The following DRC9 variants were observed in gnomAD, a reference collection of about 807,000 sequenced individuals.
DRC9 encodes dynein regulatory complex protein 9.
the DRC9 span, chr3:197,891,635 CA>C: frequency 1.4e-5 from 8 of 592,316 alleles, no homozygotes; most frequent in African/African-American, 1.5e-4. Context: ...TATAAAATTT[CA>C]AAATAAAACA....
the DRC9 span, among the ~76,000 whole-genome samples, chr3:197,919,192 A>T: frequency 6.6e-6 from 1 of 152,218 alleles, no homozygotes; most frequent in Non-Finnish European, 1.5e-5. Flanking sequence ...TGGGCCTCTG[A>T]GTACCCTGAG....
chr3:197,890,400 G>A, the DRC9 span, among the ~76,000 whole-genome samples: 4 of 144,632 alleles, frequency 2.8e-5, no homozygotes, highest in African/African-American at 1.1e-4. Flanking sequence ...GTGAGATGCT[G>A]TCTCAAAAAA....
the DRC9 span, chr3:197,950,219 G>T: frequency 6.3e-5 from 78 of 1,231,272 alleles, no homozygotes; most frequent in Non-Finnish European, 7.8e-5. Flanking sequence ...GGCTCCTGTG[G>T]AGGTGAGTGA....
At chr3:197,942,018 T>C in the DRC9 span, among the ~76,000 whole-genome samples, 1 of 152,270 alleles carries the variant, frequency 6.6e-6, no homozygotes, top group Non-Finnish European at 1.5e-5. Flanking sequence ...ACTTACATTA[T>C]ACAATTCCTG....
the DRC9 span, chr3:197,913,349 TGTGCGTGC>T: frequency 0.047 from 8,827 of 187,850 alleles, 365 homozygotes; most frequent in East Asian, 0.17. Context: ...TGCGTGCGTG[TGTGCGTGC>T]GTGCGTGTGT....
chr3:197,947,928 CTTTTT>C, the DRC9 span, among the ~76,000 whole-genome samples: 2 of 96,770 alleles, frequency 2.1e-5, no homozygotes, highest in African/African-American at 8.5e-5. Context: ...CCTGCTTTAC[CTTTTT>C]TTTTTTTTTT....
At chr3:197,897,827 G>A in the DRC9 span, among the ~76,000 whole-genome samples, 17 of 148,988 alleles carry the variant, frequency 1.1e-4, no homozygotes, top group South Asian at 1.9e-3. Flanking sequence ...GCTGGAGTGC[G>A]GTGGCCCAAT....
At chr3:197,898,537 C>G in the DRC9 span, among the ~76,000 whole-genome samples, 47 of 152,306 alleles carry the variant, frequency 3.1e-4, no homozygotes, top group African/African-American at 1.1e-3. Context: ...GTGTATTAGT[C>G]TGTTCTCATA....
chr3:197,923,207 C>A, the DRC9 span, among the ~76,000 whole-genome samples: 1 of 152,138 alleles, frequency 6.6e-6, no homozygotes, highest in Admixed American at 6.6e-5. Context: ...CAGCCTCAAC[C>A]TCCTAGGCTC....
the DRC9 span, chr3:197,938,918 G>C: frequency 1.5e-6 from 1 of 678,448 alleles, no homozygotes; most frequent in Admixed American, 2.7e-5. Flanking sequence ...CCTTTCTTCA[G>C]CCACACCAAA....
At chr3:197,934,899 C>G in the DRC9 span, among the ~76,000 whole-genome samples, 3 of 150,438 alleles carry the variant, frequency 2.0e-5, no homozygotes, top group African/African-American at 4.9e-5. Context: ...GTGGGAGGGT[C>G]GTTTGAGGCT....
the DRC9 span, chr3:197,945,545 A>T: frequency 2.2e-6 from 2 of 903,460 alleles, no homozygotes; most frequent in Non-Finnish European, 3.5e-6. Context: ...GCAATAGATA[A>T]GGTATACACA....
the DRC9 span, among the ~76,000 whole-genome samples, chr3:197,899,915 C>T: frequency 6.6e-6 from 1 of 152,218 alleles, no homozygotes. Context: ...ACACTCTCCA[C>T]CCCCTGGCAG....
the DRC9 span, among the ~76,000 whole-genome samples, chr3:197,934,593 C>G: frequency 3.9e-5 from 6 of 152,020 alleles, no homozygotes; most frequent in African/African-American, 1.5e-4. Flanking sequence ...TGGTCACATA[C>G]CTAGTTTGAG....
the DRC9 span, among the ~76,000 whole-genome samples, chr3:197,895,003 GCTATGATTACGCCACTGCACTCCAGC>G: frequency 6.6e-6 from 1 of 152,022 alleles, no homozygotes; most frequent in African/African-American, 2.4e-5. Context: ...GGTGCAGTGA[GCTATGATTACGCCACTGCACTCCAGC>G]CTGGGCAATG....
At chr3:197,903,573 T>G in the DRC9 span, among the ~76,000 whole-genome samples, 1 of 151,820 alleles carries the variant, frequency 6.6e-6, no homozygotes, top group Non-Finnish European at 1.5e-5. Context: ...GAGGCGGAGG[T>G]CGCAGTGAGC....
At chr3:197,949,816 C>T in the DRC9 span, 4 of 375,014 alleles carry the variant, frequency 1.1e-5, no homozygotes, top group South Asian at 1.5e-4. Flanking sequence ...AAAAGCACCC[C>T]ACTGTTGGCA....
At chr3:197,943,915 T>C in the DRC9 span, 2 of 1,614,130 alleles carry the variant, frequency 1.2e-6, no homozygotes, top group African/African-American at 2.7e-5. Flanking sequence ...GTTTCCGGGA[T>C]TTCTGGGATG....
At chr3:197,926,936 A>T in the DRC9 span, among the ~76,000 whole-genome samples, 1 of 152,224 alleles carries the variant, frequency 6.6e-6, no homozygotes, top group South Asian at 2.1e-4. Context: ...TTTTCAGAAG[A>T]CCTGGACTAA....
Sources: gnomAD v4.1 joint callset for allele counts (sites outside exome capture counted in the v4.1 genomes callset) on GRCh38, gnomAD v4.1.1 for gene constraint, MANE v1.5 for transcripts, NCBI Gene and HGNC (gene_info 2026-07-23, HGNC 2026-07-21) for gene names.